The following ZNF469 variants were observed in gnomAD, a reference collection of about 807,000 sequenced individuals.
ZNF469 encodes zinc finger protein 469.
In ZNF469, 1 loss-of-function variant was observed where a neutral mutation model predicts 1.0. The observed-to-expected ratio is 1.00, with a 90% CI of 0.35 to 4.73. The LOEUF is 4.73. ZNF469 is among the 30% of genes most tolerant of loss of function. The pLI, the probability that ZNF469 is intolerant of heterozygous loss-of-function variation, is 0.16. For missense variants in ZNF469, 6,100 were observed against 5,356.3 expected (o/e 1.14, Z -4.33); for synonymous variants, 2,703 against 2,363.4 (o/e 1.14, Z -4.17).
At chr16:88,297,752 G>A in the ZNF469 span, among the ~76,000 whole-genome samples, 1 of 152,180 alleles carries the variant, frequency 6.6e-6, no homozygotes, top group East Asian at 1.9e-4. Context: ...GCCCACCCAG[G>A]TGGTCCAGGA....
At chr16:88,321,618 C>T in the ZNF469 span, among the ~76,000 whole-genome samples, 1 of 152,074 alleles carries the variant, frequency 6.6e-6, no homozygotes, top group African/African-American at 2.4e-5. Flanking sequence ...GCCTCAGATT[C>T]TGCATGTAAG....
chr16:88,189,059 C>T, the ZNF469 span, among the ~76,000 whole-genome samples: 1 of 152,050 alleles, frequency 6.6e-6, no homozygotes, highest in African/African-American at 2.4e-5. This position sits in a 1 kb window ranked among gnomAD's most constrained non-coding sequence, Gnocchi z 4.3. Flanking sequence ...GAGGATGTCT[C>T]ACTAAAAACA....
At chr16:88,180,510 A>G in the ZNF469 span, among the ~76,000 whole-genome samples, 1 of 152,158 alleles carries the variant, frequency 6.6e-6, no homozygotes. Flanking sequence ...GGTGGCTCAC[A>G]CCTGTAATCC....
chr16:88,381,071 C>A (rs1479424142), upstream of ZNF469, among the ~76,000 whole-genome samples: 5 of 148,182 alleles, frequency 3.4e-5, no homozygotes, highest in African/African-American at 7.6e-5. Flanking sequence ...CACACACAGG[C>A]ATGCACTCAC....
chr16:88,205,249 C>T, the ZNF469 span, among the ~76,000 whole-genome samples: 2 of 152,104 alleles, frequency 1.3e-5, no homozygotes, highest in South Asian at 2.1e-4. The surrounding 1 kb of genome is among the most constrained non-coding windows in gnomAD (Gnocchi z 4.2). Context: ...AGATGTTTCC[C>T]GGCAGAACGT....
chr16:88,150,817 C>T, the ZNF469 span, among the ~76,000 whole-genome samples: 2,287 of 151,998 alleles, frequency 0.015, 63 homozygotes, highest in African/African-American at 0.053. Flanking sequence ...GAAACTGGCC[C>T]GGCCGTAGAA....
chr16:88,198,221 C>T, the ZNF469 span, among the ~76,000 whole-genome samples: 11 of 152,334 alleles, frequency 7.2e-5, no homozygotes, highest in South Asian at 2.1e-4. Flanking sequence ...TCCCACATCA[C>T]GTGCACTGAA....
At chr16:88,159,275 C>T in the ZNF469 span, among the ~76,000 whole-genome samples, 1 of 151,966 alleles carries the variant, frequency 6.6e-6, no homozygotes, top group Non-Finnish European at 1.5e-5. Flanking sequence ...TTGGTTTCCT[C>T]AAGATTGTCC....
chr16:88,183,932 G>T, the ZNF469 span, among the ~76,000 whole-genome samples: 2 of 152,012 alleles, frequency 1.3e-5, no homozygotes, highest in Non-Finnish European at 1.5e-5. Flanking sequence ...TGTAGGGAGT[G>T]GGGAGAGCCA....
the ZNF469 span, among the ~76,000 whole-genome samples, chr16:88,208,564 AAGGAGAGAGG>A: frequency 1.2e-4 from 3 of 25,874 alleles, no homozygotes; most frequent in Non-Finnish European, 1.0e-4. Context: ...GGAGGGAGGG[AAGGAGAGAGG>A]GAAGGAGAGA....
rs1025091404 is a variant in ZNF469, at chr16:88,432,624, A to G, written c.5154A>G (p.Gln1718=). The change falls in exon 3 of 3, where the codon CAA becomes CAG. Residue 1718 remains glutamine, a synonymous_variant. Coordinates refer to ENST00000565624, the MANE Select transcript of ZNF469 (RefSeq NM_001367624.2). ...CAGAAGGAGACAGCAGGCCCCCCCA[A>G]GATGTCTGCCTGCCTGAGCCCAGCA... ...CQAEGDSRPP[Q]DVCLPEPSKQ... is the part of the protein sequence containing the mutation. 2 of 1,550,310 alleles carry G rather than the reference A, an allele frequency of 1.3e-6. No homozygotes were observed. The highest frequency in any genetic ancestry group is 1.7e-6 in the Non-Finnish European group (2 of 1,146,980).
At chr16:88,209,622 G>A in the ZNF469 span, among the ~76,000 whole-genome samples, 1 of 152,086 alleles carries the variant, frequency 6.6e-6, no homozygotes. Context: ...ACTAAGCATT[G>A]TTTTATTTCC....
chr16:88,109,175 G>A, the ZNF469 span, among the ~76,000 whole-genome samples: 1 of 152,224 alleles, frequency 6.6e-6, no homozygotes, highest in South Asian at 2.1e-4. Context: ...CAGCTGCATG[G>A]AAAGACTGGT....
chr16:88,308,348 G>T, the ZNF469 span, among the ~76,000 whole-genome samples: 2 of 152,184 alleles, frequency 1.3e-5, no homozygotes, highest in East Asian at 3.8e-4. Context: ...GGATCTGCTT[G>T]TCAGTTTTGG....
chr16:88,431,259 G>A lies in ZNF469; in HGVS notation c.3789G>A (p.Leu1263=), dbSNP rs1906157769. 1 of 1,550,242 alleles carries A rather than the reference G, an allele frequency of 6.5e-7. No individual in the cohort carries two copies. The stretch of plus-strand genomic sequence containing the variant: ...AAATGGGAGCAAGCCCCGGTCTCCT[G>A]ATACCAGAGCAGCCGCCGCCCAGCA... ...AGEMGASPGL[L]IPEQPPPSRH... The change falls in exon 3 of 3, where the codon CTG becomes CTA. Residue 1263 remains leucine, a synonymous_variant. Transcript: ENST00000565624.
At chr16:88,374,145 T>C in the ZNF469 span, among the ~76,000 whole-genome samples, 1 of 152,114 alleles carries the variant, frequency 6.6e-6, no homozygotes, top group African/African-American at 2.4e-5. Flanking sequence ...AGGCACTGTC[T>C]GAGGTACAGG....
the ZNF469 span, among the ~76,000 whole-genome samples, chr16:88,174,776 T>C: frequency 2.0e-5 from 3 of 151,792 alleles, no homozygotes; most frequent in Non-Finnish European, 4.4e-5. Context: ...GAATACAGTA[T>C]ATAATACACA....
At chr16:88,207,508 C>A in the ZNF469 span, among the ~76,000 whole-genome samples, 1 of 149,594 alleles carries the variant, frequency 6.7e-6, no homozygotes, top group South Asian at 2.2e-4. Context: ...CGCCAGCTGT[C>A]CCCCCTGTAA....
intron 1 of ZNF469, among the ~76,000 whole-genome samples, chr16:88,411,677 G>A (rs950251444): frequency 7.2e-5 from 11 of 152,150 alleles, no homozygotes; most frequent in Non-Finnish European, 8.8e-5. Flanking sequence ...AGGAGACGGC[G>A]GTGGCCTGAG....
Sources: gnomAD v4.1 joint callset for allele counts (sites outside exome capture counted in the v4.1 genomes callset) on GRCh38, gnomAD v4.1.1 for gene constraint, Gnocchi (gnomAD v3.1) non-coding constraint, MANE v1.5 for transcripts, NCBI Gene and HGNC (gene_info 2026-07-23, HGNC 2026-07-21) for gene names.